The following TBC1D7 variants were observed in gnomAD, a reference collection of about 807,000 sequenced individuals.
TBC1D7 encodes TBC domain family 7.
A neutral mutation model predicts 35.3 loss-of-function variants in TBC1D7; 33 were observed. That is an observed-to-expected ratio of 0.93 (90% CI 0.71 to 1.25). The LOEUF (loss-of-function observed/expected upper bound fraction) is 1.25, where lower values mean the gene tolerates loss of function less well. TBC1D7 is among the 50% of genes most tolerant of loss of function. The pLI, the probability that TBC1D7 is intolerant of heterozygous loss-of-function variation, is 0.00. For missense variants in TBC1D7, 362 were observed against 365.3 expected, an observed-to-expected ratio of 0.99 and a Z score of 0.07; for synonymous variants, 135 against 129.5, an observed-to-expected ratio of 1.04 and a Z score of -0.29.
intron 5 of TBC1D7, among the ~76,000 whole-genome samples, chr6:13,311,219 T>C (rs527569980): frequency 6.6e-6 from 1 of 152,344 alleles, no homozygotes; most frequent in South Asian, 2.1e-4. Context: ...ACTTTAATGA[T>C]TAACACAATT....
intron 1 of TBC1D7, chr6:13,327,679 G>C (rs935234317): frequency 1.4e-4 from 21 of 152,156 alleles, no homozygotes; most frequent in African/African-American, 5.1e-4. Flanking sequence ...AAAATCTACC[G>C]CAAGAACTCA....
intron 6 of TBC1D7, chr6:13,306,868 A>G (rs563291686): frequency 6.1e-6 from 1 of 163,176 alleles, no homozygotes; most frequent in Admixed American, 6.3e-5. Flanking sequence ...CTAATATGCC[A>G]TAATGCTAAT....
intron 5 of TBC1D7, among the ~76,000 whole-genome samples, chr6:13,308,682 TAC>T (rs1026610695): frequency 2.2e-4 from 33 of 152,254 alleles, no homozygotes; most frequent in Non-Finnish European, 4.3e-4. Flanking sequence ...ATGTTTATTT[TAC>T]TCAATATCTA....
chr6:13,307,500 T>C (rs896679864), intron 6 of TBC1D7, 100 bp downstream of exon 6: 3 of 1,241,886 alleles, frequency 2.4e-6, no homozygotes, highest in African/African-American at 3.0e-5. Flanking sequence ...ATTACTGTAT[T>C]GTTCTAAAGC....
rs1257974688 is a variant in TBC1D7 at position 13,304,995 on chromosome 6, A to C, written c.*106T>G. ...TTGGGGGAAAAAAACCACTTTGAGC[A>C]CCAAAGCAAGAAAAGTGTATTATTC... On this transcript the variant is annotated 3_prime_UTR_variant, in exon 8 of 8. Coordinates refer to ENST00000379300, the MANE Select transcript of TBC1D7 (RefSeq NM_016495.6). 6.2e-6 allele frequency: 6 copies of C among 961,330 alleles called. No individual in the cohort carries two copies. In the East Asian group the frequency reaches 1.1e-4, roughly 18 times the overall value. The allele number at this position is 961,330 out of a possible 1,614,324, so 59.6% of individuals were successfully genotyped here. A position where few individuals can be genotyped will look rare whatever the true frequency, so the allele number is the denominator to read the frequency against.
At chr6:13,324,693 A>G (rs1056215045) in intron 3 of TBC1D7, among the ~76,000 whole-genome samples, 3 of 152,224 alleles carry the variant, frequency 2.0e-5, no homozygotes, top group Non-Finnish European at 2.9e-5. Context: ...CAGATTAGGA[A>G]GTTATACCTC....
chr6:13,316,441 A>G, intron 5 of TBC1D7, 130 bp downstream of exon 5: 1 of 992,924 alleles, frequency 1.0e-6, no homozygotes, highest in Non-Finnish European at 1.5e-6. Context: ...TTTTACAGAA[A>G]ACGCTTGCTG....
At chr6:13,320,511 T>C in intron 4 of TBC1D7, 1 of 511,070 alleles carries the variant, frequency 2.0e-6, no homozygotes, top group Non-Finnish European at 3.4e-6. Flanking sequence ...GCAAAACAGA[T>C]GCACACAAAG....
At chr6:13,307,170 G>A (rs963075519) in intron 6 of TBC1D7, 1 of 174,082 alleles carries the variant, frequency 5.7e-6, no homozygotes, top group Non-Finnish European at 1.2e-5. Context: ...ACATCACAAA[G>A]TCTTAATGGG....
In TBC1D7 at chr6:13,325,174, T is replaced by A. The variant is rs1784322126; in HGVS notation, c.113A>T (p.Asp38Val). The A allele has an allele frequency of 6.2e-7, 1 of 1,610,176 alleles. No individual in the cohort carries two copies. Residue 38 changes from aspartate to valine, a missense_variant and splice_region_variant, in exon 3 of 8, where the codon GAT (aspartate) becomes GTT (valine). By Grantham distance (152) the Asp-to-Val change is radical. Transcript: ENST00000379300. ...LEILLKDDRL[D>V]TEKLCTFSQR... ...ACTAAAAGTACAAAGTTTCTCAGTA[T>A]CTAGAGGAAGAAGAAAACAATTGTT...
chr6:13,324,934 T>C (rs1784303019), intron 3 of TBC1D7, among the ~76,000 whole-genome samples, 160 bp downstream of exon 3: 2 of 152,230 alleles, frequency 1.3e-5, no homozygotes, highest in South Asian at 4.1e-4. Flanking sequence ...GTATCATTAA[T>C]AGAACAGAAA....
At chr6:13,320,530 A>G (rs1783957199) in intron 4 of TBC1D7, 2 of 541,562 alleles carry the variant, frequency 3.7e-6, no homozygotes, top group Non-Finnish European at 6.5e-6. Flanking sequence ...AGCAAAACAG[A>G]TGCTTAAAGC....
intron 3 of TBC1D7, among the ~76,000 whole-genome samples, chr6:13,321,443 G>A (rs2127539800): frequency 6.6e-6 from 1 of 152,252 alleles, no homozygotes. Flanking sequence ...GCTGCCTTTA[G>A]CTCCTAGAGG....
In TBC1D7 at chr6:13,328,507, CT is replaced by C. The variant is rs1208408034; in HGVS notation, c.-221del. On this transcript the variant is annotated 5_prime_UTR_variant, in exon 1 of 8. Transcript: ENST00000379300. ...GCCCGGGAGACAAAACTCAGCGCCG[CT>C]GCCGCTGCCGCTGCCGCCGCCGCCG... 6.4e-6 allele frequency: 1 copy of C among 156,190 alleles called. No homozygotes were observed. Among genetic ancestry groups the C allele is most frequent in the Admixed American group, 6.6e-5 (1 of 15,068 alleles). The allele number at this position is 156,190 out of a possible 1,614,324, so 9.7% of individuals were successfully genotyped here. A position where few individuals can be genotyped will look rare whatever the true frequency, so the allele number is the denominator to read the frequency against.
At position 13,314,362 on chromosome 6, in the gene TBC1D7, T is replaced by G. The variant is rs1190771617; in HGVS notation, c.519+2209A>C. 2.6e-5 allele frequency among the ~76,000 whole-genome samples: 4 copies of G among 152,310 alleles called. No individual in the cohort carries two copies. The East Asian group carries it at 7.7e-4, about 29-fold the overall frequency. ...TGGTTAGTCCAGGTCTAGGGAAACA[T>G]GGATTCATCTGAATTGCTGAATTTC... On this transcript the variant is annotated intron_variant, in intron 5 of 7. Coordinates refer to ENST00000379300, the MANE Select transcript of TBC1D7 (RefSeq NM_016495.6).
chr6:13,312,692 A>C (rs1783308618), intron 5 of TBC1D7, among the ~76,000 whole-genome samples: 1 of 131,316 alleles, frequency 7.6e-6, no homozygotes, highest in Non-Finnish European at 1.6e-5. Flanking sequence ...GCTCCATCTC[A>C]GAAAAAAAAA....
chr6:13,306,267 G>T, intron 7 of TBC1D7, 131 bp downstream of exon 7: 1 of 639,182 alleles, frequency 1.6e-6, no homozygotes, highest in Non-Finnish European at 2.5e-6. Flanking sequence ...ATTATTCTCT[G>T]AAACATTCTA....
intron 4 of TBC1D7, 165 bp downstream of exon 4, chr6:13,320,743 C>A: frequency 1.3e-6 from 1 of 756,952 alleles, no homozygotes; most frequent in South Asian, 1.4e-5. Flanking sequence ...AAGGTTGGGT[C>A]AGAATGTGCA....
chr6:13,311,660 G>A (rs905873583), intron 5 of TBC1D7, among the ~76,000 whole-genome samples: 1 of 152,134 alleles, frequency 6.6e-6, no homozygotes, highest in African/African-American at 2.4e-5. Context: ...GCTAGGCACT[G>A]TAATGCATAC....
Sources: allele counts gnomAD v4.1 joint callset (sites outside exome capture counted in the v4.1 genomes callset), GRCh38; gene constraint gnomAD v4.1.1; transcripts MANE v1.5; gene names NCBI Gene and HGNC (gene_info 2026-07-23, HGNC 2026-07-21).